COL4A2: variants seen among roughly 807,000 people sequenced by gnomAD.
COL4A2 encodes collagen alpha-2(IV) chain.
COL4A2 carries 99 observed loss-of-function variants against 200.2 expected under a neutral mutation model. The ratio of observed to expected loss-of-function variants is 0.49; its 90% CI spans 0.42 to 0.58. The LOEUF is 0.58. COL4A2 is among the 20% of genes least tolerant of loss of function. The pLI is 0.00. For missense variants in COL4A2, 1,950 were observed against 2,314.1 expected (o/e 0.84, Z 3.23); for synonymous variants, 897 against 900.6 (o/e 1.00, Z 0.07).
intron 3 of COL4A2, among the ~76,000 whole-genome samples, chr13:110,311,084 G>A (rs1884968413): frequency 6.6e-6 from 1 of 152,038 alleles, no homozygotes; most frequent in Non-Finnish European, 1.5e-5. Context: ...CTTGACCGTG[G>A]ACTAACAGTG....
At chr13:110,488,789 C>A (rs568036854) in intron 34 of COL4A2, among the ~76,000 whole-genome samples, 1 of 152,338 alleles carries the variant, frequency 6.6e-6, no homozygotes, top group South Asian at 2.1e-4. Context: ...CATGTGCACG[C>A]GGGAAAGCAT....
intron 4 of COL4A2, among the ~76,000 whole-genome samples, chr13:110,378,450 C>T (rs547072566): frequency 6.0e-4 from 91 of 152,338 alleles, no homozygotes; most frequent in Non-Finnish European, 9.6e-4. Context: ...GGTGCGCCTG[C>T]GGCCTCATGA....
chr13:110,317,530 T>C (rs1366537947), intron 3 of COL4A2, among the ~76,000 whole-genome samples: 1 of 151,926 alleles, frequency 6.6e-6, no homozygotes, highest in Non-Finnish European at 1.5e-5. Flanking sequence ...GCAGAGAGGC[T>C]GGACAGAGGC....
At chr13:110,353,269 A>G (rs749049661) in intron 3 of COL4A2, among the ~76,000 whole-genome samples, 9 of 152,208 alleles carry the variant, frequency 5.9e-5, no homozygotes, top group Non-Finnish European at 1.3e-4. Flanking sequence ...GTGTTTCTTC[A>G]TGAAGGGGGT....
chr13:110,365,995 C>T (rs1358103817), intron 4 of COL4A2, among the ~76,000 whole-genome samples: 2 of 152,130 alleles, frequency 1.3e-5, no homozygotes, highest in Non-Finnish European at 2.9e-5. Flanking sequence ...TAAACTAGAG[C>T]AAAAGGAATT....
intron 37 of COL4A2, 43 bp from the exon 38 acceptor site, chr13:110,492,027 A>G (rs753451265): frequency 2.0e-6 from 3 of 1,510,648 alleles, no homozygotes; most frequent in East Asian, 4.9e-5. Context: ...ACAGCGCCCA[A>G]GGTGTCCTGT....
At chr13:110,330,992 T>C (rs1350488854) in intron 3 of COL4A2, among the ~76,000 whole-genome samples, 4 of 152,112 alleles carry the variant, frequency 2.6e-5, no homozygotes, top group Admixed American at 2.0e-4. Context: ...ACTCATGAAA[T>C]TGCTGTTTAA....
At chr13:110,385,980 ACAGCGTGTG>A (rs1296287021) in intron 4 of COL4A2, among the ~76,000 whole-genome samples, 22 of 136,746 alleles carry the variant, frequency 1.6e-4, no homozygotes, top group East Asian at 1.1e-3. Flanking sequence ...GGCCGTGGTC[ACAGCGTGTG>A]GATGGGCCGT....
At chr13:110,312,583 T>A (rs1407920909) in intron 3 of COL4A2, among the ~76,000 whole-genome samples, 1 of 152,208 alleles carries the variant, frequency 6.6e-6, no homozygotes, top group African/African-American at 2.4e-5. Flanking sequence ...AGAAAGTGGT[T>A]TGAGAATGTC....
chr13:110,329,052 T>G (rs1332002260), intron 3 of COL4A2, among the ~76,000 whole-genome samples: 8 of 152,178 alleles, frequency 5.3e-5, no homozygotes. Flanking sequence ...AATAAATTCT[T>G]CTTCTATTTT....
intron 34 of COL4A2, among the ~76,000 whole-genome samples, chr13:110,487,312 G>A (rs1319143452): frequency 1.3e-5 from 2 of 152,240 alleles, no homozygotes; most frequent in Non-Finnish European, 2.9e-5. Context: ...AATTAACCGG[G>A]TTTGGTGCTG....
intron 39 of COL4A2, 73 bp downstream of exon 39, chr13:110,493,355 C>G: frequency 2.0e-6 from 3 of 1,499,540 alleles, no homozygotes; most frequent in Admixed American, 3.4e-5. Flanking sequence ...TGAGTCTGCC[C>G]TCCAGACTTC....
intron 16 of COL4A2, among the ~76,000 whole-genome samples, chr13:110,440,458 A>G (rs1156488248): frequency 2.6e-5 from 4 of 152,054 alleles, no homozygotes; most frequent in Non-Finnish European, 5.9e-5. Flanking sequence ...TTTGCCAGGC[A>G]TGGTGTGGGT....
Position 110,501,881 on chromosome 13 carries a change from C to T in COL4A2, c.3877+97C>T, listed in dbSNP as rs994234786. The T allele has an allele frequency of 2.5e-5, 31 of 1,231,586 alleles. No individual in the cohort carries two copies. The African/African-American group carries it at 3.9e-4, about 16-fold the overall frequency. The allele number at this position is 1,231,586 out of a possible 1,614,324, so 76.3% of individuals were successfully genotyped here. A position where few individuals can be genotyped will look rare whatever the true frequency, so the allele number is the denominator to read the frequency against. On this transcript the variant is annotated intron_variant, in intron 41 of 47. Coordinates refer to ENST00000360467, the MANE Select transcript of COL4A2 (RefSeq NM_001846.4). ...GGGGGAGAACAGACGTTCATTTCCA[C>T]GCTGTGCCCAGACTCCGGTCAAAGA...
At chr13:110,479,154 G>C (rs1471072374) in intron 30 of COL4A2, among the ~76,000 whole-genome samples, 1 of 152,236 alleles carries the variant, frequency 6.6e-6, no homozygotes, top group African/African-American at 2.4e-5. Flanking sequence ...GGGCCGTGCT[G>C]GTTCTCAACT....
chr13:110,321,243 TAGAGAGTGTAC>T (rs1566471847), intron 3 of COL4A2, among the ~76,000 whole-genome samples: 83 of 126,958 alleles, frequency 6.5e-4, no homozygotes, highest in African/African-American at 3.7e-3. Flanking sequence ...CACACACACA[TAGAGAGTGTAC>T]ATATATATAT....
chr13:110,332,624 G>C (rs925403940), intron 3 of COL4A2, among the ~76,000 whole-genome samples: 17 of 152,180 alleles, frequency 1.1e-4, no homozygotes, highest in African/African-American at 4.1e-4. Flanking sequence ...GGCAGATAGA[G>C]AGAAACGTTG....
At chr13:110,483,116 C>T (rs1315366336) in intron 32 of COL4A2, among the ~76,000 whole-genome samples, 6 of 152,114 alleles carry the variant, frequency 3.9e-5, no homozygotes, top group East Asian at 1.9e-4. Flanking sequence ...CAAACCCTCA[C>T]GCGGACAGGC....
At chr13:110,483,728 C>T (rs898673477) in intron 32 of COL4A2, among the ~76,000 whole-genome samples, 1 of 132,112 alleles carries the variant, frequency 7.6e-6, no homozygotes, top group Non-Finnish European at 1.5e-5. Flanking sequence ...GGCCGAGAAG[C>T]GATGGATTCG....
Sources: allele counts gnomAD v4.1 joint callset (sites outside exome capture counted in the v4.1 genomes callset), GRCh38; gene constraint gnomAD v4.1.1; transcripts MANE v1.5; gene names NCBI Gene and HGNC (gene_info 2026-07-23, HGNC 2026-07-21).